PEX14: variants seen among roughly 807,000 people sequenced by gnomAD.
The protein encoded by PEX14 is peroxisomal biogenesis factor 14.
Under a neutral mutation model 49.5 loss-of-function variants are expected in PEX14, and 15 were observed. The ratio of observed to expected loss-of-function variants is 0.30; its 90% confidence interval spans 0.20 to 0.47. PEX14 has a LOEUF of 0.47. Ranked by LOEUF, PEX14 falls within the 20% of genes least tolerant of loss-of-function variation. PEX14 has a pLI of 1.00. For missense variants in PEX14, 398 were observed against 494.8 expected (o/e 0.80, Z 1.86); for synonymous variants, 210 against 212.7 (o/e 0.99, Z 0.11).
intron 3 of PEX14, among the ~76,000 whole-genome samples, chr1:10,587,341 G>C (rs1054193706): frequency 6.6e-6 from 1 of 152,050 alleles, no homozygotes; most frequent in East Asian, 1.9e-4. Flanking sequence ...TGTAATCCCA[G>C]CTTCTCGGTA....
intron 5 of PEX14, among the ~76,000 whole-genome samples, chr1:10,620,523 C>T (rs1335946051): frequency 6.6e-6 from 1 of 152,066 alleles, no homozygotes. Flanking sequence ...CGCAGTGGCT[C>T]ATGCCTGTAA....
At chr1:10,506,613 T>C (rs116546865) in intron 2 of PEX14, among the ~76,000 whole-genome samples, 1,860 of 152,290 alleles carry the variant, frequency 0.012, 39 homozygotes, top group African/African-American at 0.042. Flanking sequence ...GAAAAGAAAG[T>C]TTTATGAAAA....
rs192889010 is a variant in PEX14 at position 10,486,821 on chromosome 1, G to T, written c.37-8453G>T. Among the ~76,000 whole-genome samples the T allele has an allele frequency of 1.3e-4, 19 of 151,902 alleles. 1 individual carries two copies. The highest frequency in any genetic ancestry group is 4.6e-4 in the African/African-American group (19 of 41,406). ...TCTGCCTCAGCCTCCTGAGTAGCTG[G>T]GATTACAAGCATCCACCGCCATGCT... On this transcript the variant is annotated intron_variant, in intron 1 of 8. Transcript: ENST00000356607.
intron 2 of PEX14, 57 bp from the exon 3 acceptor site, chr1:10,536,156 C>T: frequency 9.3e-7 from 1 of 1,072,136 alleles, no homozygotes; most frequent in Non-Finnish European, 1.5e-6. Context: ...GATTTTTAAT[C>T]TTGAAATTCA....
intron 4 of PEX14, among the ~76,000 whole-genome samples, chr1:10,617,694 C>G (rs527995743): frequency 4.6e-5 from 7 of 152,156 alleles, no homozygotes; most frequent in East Asian, 1.9e-4. Context: ...CTGACCCCAG[C>G]CCCTCTCCCC....
intron 3 of PEX14, among the ~76,000 whole-genome samples, chr1:10,572,508 CAT>C (rs1640005856): frequency 6.6e-6 from 1 of 152,134 alleles, no homozygotes; most frequent in Non-Finnish European, 1.5e-5. Context: ...ATAATACAGT[CAT>C]GTGTCACTGG....
chr1:10,626,221 T>TC (rs747076722), intron 7 of PEX14, among the ~76,000 whole-genome samples: 3 of 152,202 alleles, frequency 2.0e-5, no homozygotes, highest in Non-Finnish European at 4.4e-5. Flanking sequence ...CCATATGCGT[T>TC]TGGAAATCTG....
At chr1:10,538,159 G>A (rs2506892) in intron 3 of PEX14, among the ~76,000 whole-genome samples, 39,433 of 152,086 alleles carry the variant, frequency 0.26, 5,787 homozygotes, top group Admixed American at 0.34. Context: ...GTCAGATGCC[G>A]AGCGCCATGG....
intron 5 of PEX14, among the ~76,000 whole-genome samples, chr1:10,619,018 A>G (rs543734216): frequency 1.3e-5 from 2 of 152,342 alleles, no homozygotes; most frequent in East Asian, 3.9e-4. Flanking sequence ...CCTCAGTGTC[A>G]TCAGATGTAT....
At chr1:10,577,894 G>A (rs1179384847) in intron 3 of PEX14, among the ~76,000 whole-genome samples, 1 of 151,590 alleles carries the variant, frequency 6.6e-6, no homozygotes, top group Non-Finnish European at 1.5e-5. Context: ...TGAAGGTACT[G>A]GAGAGCCACC....
chr1:10,502,051 A>G (rs759110304), intron 2 of PEX14, among the ~76,000 whole-genome samples: 1 of 152,156 alleles, frequency 6.6e-6, no homozygotes, highest in South Asian at 2.1e-4. Context: ...TAAACCACGG[A>G]TGGGCTCACG....
intron 3 of PEX14, among the ~76,000 whole-genome samples, chr1:10,550,786 T>TG (rs1473411620): frequency 6.6e-6 from 1 of 152,244 alleles, no homozygotes; most frequent in African/African-American, 2.4e-5. Flanking sequence ...GGGTGTAGTC[T>TG]GCGCCTGTGC....
Position 10,474,989 on chromosome 1 carries a change from A to G in PEX14, c.23A>G (p.Glu8Gly). MASSEQA[E>G]QPSQPSSTPG... Reference sequence around the variant, plus strand: ...AAGATGGCGTCCTCGGAGCAGGCAGAGCAGCCGAGCCAGGTAAGGGGAGTG... The same window carrying G: ...AAGATGGCGTCCTCGGAGCAGGCAGGGCAGCCGAGCCAGGTAAGGGGAGTG... The change falls in exon 1 of 9, where the codon GAG becomes GGG. Residue 8 changes from glutamate to glycine, a missense_variant. Physicochemically the swap from Glu to Gly is moderately conservative, Grantham distance 98. Coordinates refer to ENST00000356607, the MANE Select transcript of PEX14 (RefSeq NM_004565.3). The G allele has an allele frequency of 6.2e-7, 1 of 1,609,904 alleles. No homozygotes were observed.
chr1:10,480,120 C>T (rs975210327), intron 1 of PEX14, among the ~76,000 whole-genome samples: 8 of 152,166 alleles, frequency 5.3e-5, no homozygotes, highest in African/African-American at 1.9e-4. Context: ...GTTTTCTTCT[C>T]CCAGTCTTTA....
At chr1:10,505,843 G>A (rs937513229) in intron 2 of PEX14, among the ~76,000 whole-genome samples, 5 of 151,878 alleles carry the variant, frequency 3.3e-5, no homozygotes, top group African/African-American at 1.2e-4. Flanking sequence ...ACCATGCCCA[G>A]CTAATCTTTG....
At chr1:10,611,152 A>G (rs532235547) in intron 4 of PEX14, among the ~76,000 whole-genome samples, 1 of 152,178 alleles carries the variant, frequency 6.6e-6, no homozygotes, top group South Asian at 2.1e-4. Context: ...AGTTCCAGCT[A>G]CTTGGGAGGC....
chr1:10,520,333 A>AT (rs1228931257), intron 2 of PEX14, among the ~76,000 whole-genome samples: 3 of 151,326 alleles, frequency 2.0e-5, no homozygotes, highest in Non-Finnish European at 4.4e-5. Flanking sequence ...TAATTTTTAA[A>AT]TTTTTTGAAG....
At chr1:10,614,708 C>T (rs142965115) in intron 4 of PEX14, among the ~76,000 whole-genome samples, 14 of 152,334 alleles carry the variant, frequency 9.2e-5, no homozygotes, top group African/African-American at 2.4e-4. Context: ...ATATGGTATT[C>T]GGGCCGTGGG....
intron 3 of PEX14, among the ~76,000 whole-genome samples, chr1:10,596,174 A>C (rs1189710563): frequency 6.6e-6 from 1 of 152,182 alleles, no homozygotes; most frequent in African/African-American, 2.4e-5. Context: ...CTAAGTTCCA[A>C]ATGAATCACC....
Sources: allele counts gnomAD v4.1 joint callset (sites outside exome capture counted in the v4.1 genomes callset), GRCh38; gene constraint gnomAD v4.1.1; transcripts MANE v1.5; gene names NCBI Gene and HGNC (gene_info 2026-07-23, HGNC 2026-07-21).